The following EXOC5 variants were observed in gnomAD, a reference collection of about 807,000 sequenced individuals.
The protein encoded by EXOC5 is exocyst complex component 5.
In EXOC5, 17 loss-of-function variants were observed where a neutral mutation model predicts 90.8. That is an observed-to-expected ratio of 0.19 (90% CI 0.13 to 0.28). The LOEUF is 0.28. Among genes scored for constraint, EXOC5 ranks in the 10% least tolerant of loss-of-function variants. The probability of loss-of-function intolerance (pLI) is 1.00; values close to 1 mark genes in which losing one functional copy is unlikely to be tolerated. For missense variants in EXOC5, 569 were observed against 830.6 expected (o/e 0.69, Z 3.87); for synonymous variants, 260 against 270.0 (o/e 0.96, Z 0.36).
At position 57,268,621 on chromosome 14, in the gene EXOC5, C is replaced by A. The variant is rs1884771959; in HGVS notation, c.27+1G>T. On this transcript the variant is annotated splice_donor_variant, in intron 1 of 17. Transcript: ENST00000621441. LOFTEE classifies it high-confidence loss of function. The stretch of plus-strand genomic sequence containing the variant: ...CTCCCTGTAGAGCCGCCGGGGCCCA[C>A]CTCGAAGAGCTCGGCCGTGGTAGCC... 6.3e-7 allele frequency: 1 copy of A among 1,590,900 alleles called. No homozygotes were observed. Among genetic ancestry groups the A allele is most frequent in the Non-Finnish European group, 8.5e-7 (1 of 1,174,122 alleles).
intron 3 of EXOC5, among the ~76,000 whole-genome samples, chr14:57,244,605 C>G (rs2139651929): frequency 6.6e-6 from 1 of 152,124 alleles, no homozygotes; most frequent in East Asian, 1.9e-4. Flanking sequence ...ACAAAAAAAG[C>G]TGTTTACTCC....
At chr14:57,231,455 A>T in intron 11 of EXOC5, 51 bp downstream of exon 11, 1 of 1,248,786 alleles carries the variant, frequency 8.0e-7, no homozygotes, top group Non-Finnish European at 1.1e-6. Flanking sequence ...AAATATAATG[A>T]AGTTATTAAT....
chr14:57,227,781 A>G (rs1336196156), intron 12 of EXOC5, among the ~76,000 whole-genome samples: 7 of 152,154 alleles, frequency 4.6e-5, no homozygotes, highest in Non-Finnish European at 1.0e-4. Context: ...TGTATAATTT[A>G]CTGTCTCAAT....
At chr14:57,238,961 G>T (rs1384475106) in intron 5 of EXOC5, among the ~76,000 whole-genome samples, 1 of 151,806 alleles carries the variant, frequency 6.6e-6, no homozygotes, top group African/African-American at 2.4e-5. Flanking sequence ...TACACTAGAA[G>T]AAATCATGAA....
At chr14:57,217,853 T>C in intron 15 of EXOC5, 129 bp downstream of exon 15, 1 of 642,288 alleles carries the variant, frequency 1.6e-6, no homozygotes, top group South Asian at 1.9e-5. Flanking sequence ...TATGTAAAAA[T>C]AAAATCAAAT....
Position 57,206,798 on chromosome 14 carries a change from C to G in EXOC5, c.*1811G>C, listed in dbSNP as rs918695739. ...AAACAAAATAATTTGAAGCACTTCT[C>G]TGATTTGGAAGTCTTAAAATGTTAT... On this transcript the variant is annotated 3_prime_UTR_variant, in exon 18 of 18. Coordinates refer to ENST00000621441, the MANE Select transcript of EXOC5 (RefSeq NM_006544.4). 1.9e-4 allele frequency: 29 copies of G among 152,532 alleles called. No individual in the cohort carries two copies. Among genetic ancestry groups the G allele is most frequent in the African/African-American group, 6.5e-4 (27 of 41,532 alleles). The allele number at this position is 152,532 out of a possible 1,614,324, so 9.4% of individuals were successfully genotyped here.
At chr14:57,231,770 A>G in intron 10 of EXOC5, 55 bp from the exon 11 acceptor site, 6 of 1,154,702 alleles carry the variant, frequency 5.2e-6, no homozygotes, top group Non-Finnish European at 6.2e-6. Context: ...GTATAGTAAC[A>G]ATATTAAGGA....
Position 57,228,844 on chromosome 14 carries a change from T to G in EXOC5, c.1296+890A>C, listed in dbSNP as rs544021256. ...ATGCTCTGCACACGTATCCCAGAAC[T>G]TAAAGTATAAAAAAAAAAAAAAAAA... On this transcript the variant is annotated intron_variant, in intron 12 of 17. Coordinates refer to ENST00000621441, the MANE Select transcript of EXOC5 (RefSeq NM_006544.4). Among the ~76,000 whole-genome samples the G allele has an allele frequency of 1.1e-4, 16 of 146,426 alleles. No homozygotes were observed. In the South Asian group the frequency reaches 3.5e-3, roughly 32 times the overall value.
chr14:57,211,409 T>TGAAATATG (rs1162064829), intron 15 of EXOC5, among the ~76,000 whole-genome samples: 4 of 140,336 alleles, frequency 2.9e-5, no homozygotes, highest in Admixed American at 2.6e-4. Flanking sequence ...TTTTCTCACT[T>TGAAATATG]GAAATATGGA....
intron 13 of EXOC5, 124 bp from the exon 14 acceptor site, chr14:57,219,566 T>A: frequency 1.4e-6 from 1 of 721,484 alleles, no homozygotes; most frequent in Non-Finnish European, 2.3e-6. Flanking sequence ...TTTTAATACA[T>A]CAATAATGAC....
At position 57,239,819 on chromosome 14, in the gene EXOC5, A is replaced by C. The variant is rs373252194; in HGVS notation, c.466-160T>G. Reference sequence around the variant, plus strand: ...CCACAACAAATAAAACTTTATGAGCAACAAGAATACATTTGGGGTGTTACC... The same window carrying C: ...CCACAACAAATAAAACTTTATGAGCCACAAGAATACATTTGGGGTGTTACC... On this transcript the variant is annotated intron_variant, in intron 4 of 17. Coordinates refer to ENST00000621441, the MANE Select transcript of EXOC5 (RefSeq NM_006544.4). 2.5e-4 allele frequency among the ~76,000 whole-genome samples: 38 copies of C among 152,336 alleles called. No homozygotes were observed. In the East Asian group the frequency reaches 6.4e-3, roughly 25 times the overall value.
intron 1 of EXOC5, among the ~76,000 whole-genome samples, 163 bp from the exon 2 acceptor site, chr14:57,247,875 ATCT>A (rs1420878043): frequency 7.4e-6 from 1 of 135,578 alleles, no homozygotes; most frequent in Non-Finnish European, 1.5e-5. Flanking sequence ...CAATTAAAAA[ATCT>A]TCAATAAACA....
At position 57,244,122 on chromosome 14, in the gene EXOC5, T is replaced by C. The variant is rs762176819; in HGVS notation, c.465+43A>G. The stretch of plus-strand genomic sequence containing the variant: ...ATTGCAGCTCATAATTAGGGCACTG[T>C]TATTAATGCTGTGATTTGGTTTTAT... On this transcript the variant is annotated intron_variant, in intron 4 of 17. Coordinates refer to ENST00000621441, the MANE Select transcript of EXOC5 (RefSeq NM_006544.4). 5 of 1,342,430 alleles carry C rather than the reference T, an allele frequency of 3.7e-6. No individual in the cohort carries two copies. The East Asian group carries it at 1.2e-4, about 31-fold the overall frequency. 83.2% of individuals were successfully genotyped at this position (1,342,430 alleles called of 1,614,324 possible).
chr14:57,209,807 T>A, intron 16 of EXOC5, 25 bp from the exon 17 acceptor site: 1 of 1,482,432 alleles, frequency 6.7e-7, no homozygotes, highest in Non-Finnish European at 9.3e-7. Context: ...CTACACTCAT[T>A]ACACAGGAAT....
chr14:57,234,240 T>A (rs1457359949), intron 7 of EXOC5, among the ~76,000 whole-genome samples: 1 of 152,010 alleles, frequency 6.6e-6, no homozygotes, highest in African/African-American at 2.4e-5. Flanking sequence ...TGATAAAATT[T>A]ATCAGTTGGT....
rs1186699509 is a variant in EXOC5 at position 57,207,530 on chromosome 14, T to A, written c.*1079A>T. The A allele has an allele frequency of 6.6e-6, 1 of 152,256 alleles. No homozygotes were observed. Among genetic ancestry groups the A allele is most frequent in the Non-Finnish European group, 1.5e-5 (1 of 67,986 alleles). 9.4% of individuals were successfully genotyped at this position (152,256 alleles called of 1,614,324 possible). A position where few individuals can be genotyped will look rare whatever the true frequency, so the allele number is the denominator to read the frequency against. On this transcript the variant is annotated 3_prime_UTR_variant, in exon 18 of 18. Coordinates refer to ENST00000621441, the MANE Select transcript of EXOC5 (RefSeq NM_006544.4). ...TCCATTAACTATATCCAAGTAGGAA[T>A]AACTTCAGAAATGCTTTGAAAAAGG...
intron 15 of EXOC5, among the ~76,000 whole-genome samples, chr14:57,212,919 T>C (rs997592939): frequency 3.3e-5 from 5 of 152,346 alleles, no homozygotes; most frequent in African/African-American, 1.2e-4. Flanking sequence ...ACCTTCACTT[T>C]TAACTTTATG....
At chr14:57,247,531 G>A (rs1056810461) in intron 2 of EXOC5, 87 bp downstream of exon 2, 16 of 559,988 alleles carry the variant, frequency 2.9e-5, no homozygotes, top group Non-Finnish European at 4.7e-5. Flanking sequence ...GTAGAGGAAT[G>A]CTGAAAGCAA....
In EXOC5 at chr14:57,262,673, T is replaced by C. The variant is rs920932553; in HGVS notation, c.27+5949A>G. 2.1e-5 allele frequency among the ~76,000 whole-genome samples: 3 copies of C among 145,556 alleles called. No individual in the cohort carries two copies. The Admixed American group carries it at 2.1e-4, about 10-fold the overall frequency. On this transcript the variant is annotated intron_variant, in intron 1 of 17. Transcript: ENST00000621441. ...ATATATACATATATACATAAGTGTA[T>C]ATATATACATTAAGTATATATGTAT...
Sources: allele counts gnomAD v4.1 joint callset (sites outside exome capture counted in the v4.1 genomes callset), GRCh38; gene constraint gnomAD v4.1.1; transcripts MANE v1.5; gene names NCBI Gene and HGNC (gene_info 2026-07-23, HGNC 2026-07-21).